The following ZNF385D variants were observed in gnomAD, a reference collection of about 807,000 sequenced individuals.
ZNF385D encodes zinc finger protein 385D.
ZNF385D carries 15 observed loss-of-function variants against 35.8 expected under a neutral mutation model. That is an observed-to-expected ratio of 0.42 (90% confidence interval 0.28 to 0.64). The LOEUF (loss-of-function observed/expected upper bound fraction) is 0.64. Ranked by LOEUF, ZNF385D falls within the 30% of genes least tolerant of loss-of-function variation. The pLI, the probability that ZNF385D is intolerant of heterozygous loss-of-function variation, is 0.23. For synonymous variants in ZNF385D, 212 were observed against 186.8 expected, an observed-to-expected ratio of 1.13 and a Z score of -1.10; for missense variants, 474 against 494.6, an observed-to-expected ratio of 0.96 and a Z score of 0.39.
rs115817863 is a variant in ZNF385D, at chr3:22,310,210, C to T, written c.106+62240G>A. ...ACCATTTCCTGGATTTGCATTCAGG[C>T]GTCATGATTACTATTACGAACAAGA... On this transcript the variant is annotated intron_variant, in intron 2 of 5. Coordinates refer to the ZNF385D transcript ENST00000494108. 7.2e-3 allele frequency among the ~76,000 whole-genome samples: 1,094 copies of T among 152,046 alleles called. 13 individuals are homozygous for T. Among genetic ancestry groups the T allele is most frequent in the African/African-American group, 0.024 (1,017 of 41,520 alleles).
intron 3 of ZNF385D, among the ~76,000 whole-genome samples, chr3:21,877,152 C>T (rs1698023259): frequency 6.6e-6 from 1 of 152,012 alleles, no homozygotes; most frequent in Admixed American, 6.6e-5. Flanking sequence ...TGTGGAACAC[C>T]AAAACACTGA....
chr3:21,894,362 A>G (rs1699027558), intron 3 of ZNF385D, among the ~76,000 whole-genome samples: 2 of 152,184 alleles, frequency 1.3e-5, no homozygotes, highest in Admixed American at 1.3e-4. Context: ...TTAAGATTAA[A>G]ATATTATATT....
intron 3 of ZNF385D, among the ~76,000 whole-genome samples, chr3:22,036,082 A>G (rs1194343891): frequency 1.3e-5 from 2 of 152,222 alleles, no homozygotes; most frequent in African/African-American, 4.8e-5. Flanking sequence ...TAACTCCACC[A>G]TGAGTATTTA....
At chr3:22,103,810 C>A (rs578248924) in intron 3 of ZNF385D, among the ~76,000 whole-genome samples, 1 of 151,966 alleles carries the variant, frequency 6.6e-6, no homozygotes, top group Non-Finnish European at 1.5e-5. Context: ...CAAACTATGC[C>A]TTACCATAGT....
chr3:22,006,953 AT>A (rs1313906681), intron 3 of ZNF385D, among the ~76,000 whole-genome samples: 1 of 152,104 alleles, frequency 6.6e-6, no homozygotes, highest in Non-Finnish European at 1.5e-5. Flanking sequence ...AAAAAAAGTC[AT>A]TTAATATAGA....
At chr3:21,779,080 G>A (rs1424775375) in intron 3 of ZNF385D, among the ~76,000 whole-genome samples, 2 of 151,930 alleles carry the variant, frequency 1.3e-5, no homozygotes, top group Non-Finnish European at 2.9e-5. Flanking sequence ...TCTTAGGCTG[G>A]AGGTGGCAAA....
intron 2 of ZNF385D, among the ~76,000 whole-genome samples, chr3:22,246,230 T>C (rs536852966): frequency 6.6e-6 from 1 of 152,320 alleles, no homozygotes; most frequent in African/African-American, 2.4e-5. Context: ...ATCTCTTAAG[T>C]AGATCTATAC....
chr3:22,034,343 T>C (rs542003260), intron 3 of ZNF385D, among the ~76,000 whole-genome samples: 62 of 152,228 alleles, frequency 4.1e-4, no homozygotes, highest in African/African-American at 1.5e-3. Context: ...ATGGCCCTCA[T>C]GAGAACCTGA....
chr3:22,205,197 GA>G (rs950238571), intron 2 of ZNF385D, among the ~76,000 whole-genome samples: 4 of 151,954 alleles, frequency 2.6e-5, no homozygotes, highest in Non-Finnish European at 5.9e-5. Flanking sequence ...TTAAAGGCCA[GA>G]AGAGAGTGAC....
intron 2 of ZNF385D, among the ~76,000 whole-genome samples, chr3:22,361,319 G>A (rs979746493): frequency 6.6e-6 from 1 of 152,060 alleles, no homozygotes; most frequent in Admixed American, 6.6e-5. Flanking sequence ...GCTGTAATCA[G>A]AATGTAATAA....
chr3:22,225,717 C>T (rs774274918), intron 2 of ZNF385D, among the ~76,000 whole-genome samples: 1 of 152,170 alleles, frequency 6.6e-6, no homozygotes, highest in African/African-American at 2.4e-5. Flanking sequence ...AAATAAACTA[C>T]TTAACCTTAA....
chr3:21,911,201 C>G (rs1377349187), intron 3 of ZNF385D, among the ~76,000 whole-genome samples: 1 of 151,816 alleles, frequency 6.6e-6, no homozygotes, highest in African/African-American at 2.4e-5. Context: ...AAACATAGCA[C>G]AAGTAATTGC....
At chr3:22,137,283 T>C (rs1344626837) in intron 3 of ZNF385D, among the ~76,000 whole-genome samples, 2 of 152,046 alleles carry the variant, frequency 1.3e-5, no homozygotes, top group Admixed American at 1.3e-4. Flanking sequence ...ACCATTCCAA[T>C]CAATAGAAAA....
At chr3:21,981,537 T>C (rs1284425546) in intron 3 of ZNF385D, among the ~76,000 whole-genome samples, 1 of 152,222 alleles carries the variant, frequency 6.6e-6, no homozygotes, top group African/African-American at 2.4e-5. Flanking sequence ...TGATAATTTC[T>C]TTTGCTGTGC....
chr3:21,730,127 T>G (rs370241653), intron 1 of ZNF385D, among the ~76,000 whole-genome samples: 8 of 152,334 alleles, frequency 5.3e-5, no homozygotes, highest in African/African-American at 1.9e-4. Flanking sequence ...TCCAGGGATT[T>G]GACCATGGTC....
At chr3:21,620,842 C>T (rs1575336467) in intron 2 of ZNF385D, among the ~76,000 whole-genome samples, 1 of 152,216 alleles carries the variant, frequency 6.6e-6, no homozygotes, top group Non-Finnish European at 1.5e-5. Context: ...ACGGAGCCCC[C>T]AAAAGGGAAA....
At chr3:22,198,234 CTTAAGA>C (rs976019507) in intron 2 of ZNF385D, among the ~76,000 whole-genome samples, 15 of 151,978 alleles carry the variant, frequency 9.9e-5, no homozygotes, top group African/African-American at 3.6e-4. Flanking sequence ...AAGTTTAAAA[CTTAAGA>C]TTAAGTTTAA....
chr3:22,079,363 T>A (rs1700626115), intron 3 of ZNF385D, among the ~76,000 whole-genome samples: 1 of 151,954 alleles, frequency 6.6e-6, no homozygotes, highest in African/African-American at 2.4e-5. Context: ...AATTACATGA[T>A]TACAACATTA....
chr3:22,079,082 TG>T (rs1356055934), intron 3 of ZNF385D, among the ~76,000 whole-genome samples: 1 of 152,000 alleles, frequency 6.6e-6, no homozygotes, highest in East Asian at 1.9e-4. Context: ...AGTCAAAAAA[TG>T]TGAACAGAAG....
Sources: gnomAD v4.1 joint callset for allele counts (sites outside exome capture counted in the v4.1 genomes callset) on GRCh38, gnomAD v4.1.1 for gene constraint, MANE v1.5 for transcripts, NCBI Gene and HGNC (gene_info 2026-07-23, HGNC 2026-07-21) for gene names.